RAB3C: variants seen among roughly 807,000 people sequenced by gnomAD.
The protein encoded by RAB3C is ras-related protein Rab-3C.
In RAB3C, 17 loss-of-function variants were observed where a neutral mutation model predicts 26.4. The observed-to-expected ratio is 0.64, with a 90% confidence interval of 0.44 to 0.97. RAB3C has a LOEUF of 0.97. Ranked by LOEUF, RAB3C falls within the 50% of genes least tolerant of loss-of-function variation. The pLI is 0.00. For missense variants in RAB3C, 242 were observed against 281.9 expected (o/e 0.86, Z 1.01); for synonymous variants, 91 against 95.9 (o/e 0.95, Z 0.30).
At chr5:58,753,448 T>C (rs1741577703) in intron 3 of RAB3C, among the ~76,000 whole-genome samples, 1 of 152,190 alleles carries the variant, frequency 6.6e-6, no homozygotes, top group Non-Finnish European at 1.5e-5. Flanking sequence ...TTATCCAGAA[T>C]CTGGACTTCT....
chr5:58,638,066 G>A (rs756911897), intron 2 of RAB3C, among the ~76,000 whole-genome samples: 1 of 151,836 alleles, frequency 6.6e-6, no homozygotes, highest in Non-Finnish European at 1.5e-5. Context: ...ACCTCTTTGG[G>A]TGGATAAGTC....
intron 1 of RAB3C, among the ~76,000 whole-genome samples, chr5:58,591,186 T>C (rs1182308153): frequency 6.6e-6 from 1 of 152,160 alleles, no homozygotes; most frequent in Admixed American, 6.5e-5. Context: ...TTTATGAACA[T>C]TCCATGTGTG....
intron 2 of RAB3C, among the ~76,000 whole-genome samples, chr5:58,696,200 G>T (rs779480547): frequency 6.6e-6 from 1 of 152,092 alleles, no homozygotes; most frequent in Non-Finnish European, 1.5e-5. Flanking sequence ...TTTATCTTTG[G>T]TTCTGTTTAT....
At chr5:58,606,830 T>C (rs1746583256) in intron 1 of RAB3C, among the ~76,000 whole-genome samples, 1 of 152,078 alleles carries the variant, frequency 6.6e-6, no homozygotes, top group African/African-American at 2.4e-5. Context: ...GAGGGACCTG[T>C]TAGAAGGAAA....
chr5:58,653,997 A>G (rs996905191), intron 2 of RAB3C, among the ~76,000 whole-genome samples: 1 of 152,176 alleles, frequency 6.6e-6, no homozygotes, highest in African/African-American at 2.4e-5. Context: ...CCAGAACTGA[A>G]TCCCAAAACT....
chr5:58,697,494 C>T (rs928761973), intron 2 of RAB3C, among the ~76,000 whole-genome samples: 6 of 152,212 alleles, frequency 3.9e-5, no homozygotes, highest in Admixed American at 1.3e-4. Context: ...GCTTCTGTCT[C>T]GTTGATCTGC....
At chr5:58,797,928 T>A (rs1742712944) in intron 3 of RAB3C, among the ~76,000 whole-genome samples, 4 of 152,148 alleles carry the variant, frequency 2.6e-5, no homozygotes, top group African/African-American at 9.7e-5. Flanking sequence ...GCATTATAAA[T>A]AATAGAGAGC....
At chr5:58,734,720 A>T (rs1446585903) in intron 3 of RAB3C, among the ~76,000 whole-genome samples, 1 of 152,178 alleles carries the variant, frequency 6.6e-6, no homozygotes, top group African/African-American at 2.4e-5. Flanking sequence ...AAATCTTCGG[A>T]GTTAATCTTA....
intron 2 of RAB3C, among the ~76,000 whole-genome samples, chr5:58,713,988 C>T (rs538251413): frequency 6.6e-6 from 1 of 152,090 alleles, no homozygotes; most frequent in South Asian, 2.1e-4. Flanking sequence ...ACAGTTATTC[C>T]CCCAGCAGCA....
intron 2 of RAB3C, among the ~76,000 whole-genome samples, chr5:58,694,668 A>C (rs977278965): frequency 4.6e-5 from 7 of 151,996 alleles, no homozygotes; most frequent in Non-Finnish European, 1.0e-4. Context: ...TTTGATTTGC[A>C]TTTTTCTGAT....
chr5:58,604,958 T>C (rs532385410), intron 1 of RAB3C, among the ~76,000 whole-genome samples: 99 of 152,298 alleles, frequency 6.5e-4, no homozygotes, highest in African/African-American at 2.2e-3. Context: ...AATGGGCTGC[T>C]TGGGGACCCA....
intron 2 of RAB3C, among the ~76,000 whole-genome samples, chr5:58,702,568 T>TTCTC (rs1369428886): frequency 7.6e-6 from 1 of 130,950 alleles, no homozygotes; most frequent in Non-Finnish European, 1.6e-5. Context: ...TCATTCTCCT[T>TTCTC]TCTCTCTCTC....
intron 1 of RAB3C, among the ~76,000 whole-genome samples, chr5:58,601,613 GT>G (rs2111686560): frequency 6.6e-6 from 1 of 152,136 alleles, no homozygotes; most frequent in South Asian, 2.1e-4. Context: ...TCTCTTCTAA[GT>G]TTTCCAGTTT....
At chr5:58,835,276 T>A (rs1393422649) in intron 4 of RAB3C, among the ~76,000 whole-genome samples, 2 of 152,198 alleles carry the variant, frequency 1.3e-5, no homozygotes, top group Admixed American at 6.5e-5. Flanking sequence ...ACTAATTGCC[T>A]TCCTTAACCA....
At chr5:58,639,368 A>C (rs920366839) in intron 2 of RAB3C, among the ~76,000 whole-genome samples, 5 of 152,124 alleles carry the variant, frequency 3.3e-5, no homozygotes, top group Admixed American at 6.6e-5. Context: ...GGAAAATACT[A>C]TAAACAAGTT....
At chr5:58,737,079 C>T (rs1398612675) in intron 3 of RAB3C, among the ~76,000 whole-genome samples, 1 of 152,110 alleles carries the variant, frequency 6.6e-6, no homozygotes, top group African/African-American at 2.4e-5. Context: ...TGCTTCTCTA[C>T]CCTCGTCTTC....
intron 2 of RAB3C, among the ~76,000 whole-genome samples, chr5:58,700,219 A>C (rs1028404920): frequency 1.3e-5 from 2 of 152,188 alleles, no homozygotes; most frequent in African/African-American, 4.8e-5. Context: ...TGTTTTATGA[A>C]TATTATCTTA....
At chr5:58,688,395 C>G (rs531553749) in intron 2 of RAB3C, among the ~76,000 whole-genome samples, 2 of 152,220 alleles carry the variant, frequency 1.3e-5, no homozygotes, top group African/African-American at 4.8e-5. Context: ...AAAGACAACT[C>G]TAAATTGCAT....
intron 4 of RAB3C, among the ~76,000 whole-genome samples, chr5:58,840,003 G>C (rs1040468045): frequency 6.6e-6 from 1 of 151,372 alleles, no homozygotes; most frequent in African/African-American, 2.4e-5. Context: ...AATCTAATGA[G>C]GGTTACTTTA....
Sources: allele counts gnomAD v4.1 joint callset (sites outside exome capture counted in the v4.1 genomes callset), GRCh38; gene constraint gnomAD v4.1.1; transcripts MANE v1.5; gene names NCBI Gene and HGNC (gene_info 2026-07-23, HGNC 2026-07-21).